The following PTGES3 variants were observed in gnomAD, a reference collection of about 807,000 sequenced individuals.
PTGES3 encodes the protein prostaglandin E synthase 3, also known as Hsp90 co-chaperone.
A neutral mutation model predicts 29.9 loss-of-function variants in PTGES3; 5 were observed. The ratio of observed to expected loss-of-function variants is 0.17; its 90% CI spans 0.09 to 0.35. PTGES3 has a LOEUF of 0.35. Ranked by LOEUF, PTGES3 falls within the 10% of genes least tolerant of loss-of-function variation. The pLI is 1.00. For synonymous variants in PTGES3, 49 were observed against 57.8 expected, an observed-to-expected ratio of 0.85 and a Z score of 0.69; for missense variants, 128 against 190.0, an observed-to-expected ratio of 0.67 and a Z score of 1.92.
chr12:56,687,617 C>A, intron 1 of PTGES3: 1 of 1,118,372 alleles, frequency 8.9e-7, no homozygotes, highest in Non-Finnish European at 1.1e-6. Context: ...GCAACAGAAC[C>A]GGAGCGCCCA....
intron 1 of PTGES3, among the ~76,000 whole-genome samples, chr12:56,679,799 C>T (rs182066220): frequency 2.0e-4 from 31 of 152,136 alleles, no homozygotes; most frequent in Admixed American, 3.3e-4. Flanking sequence ...CTTAGCCTCC[C>T]GAGTAGCTGG....
chr12:56,673,183 A>T, intron 1 of PTGES3, 118 bp from the exon 2 acceptor site: 1 of 633,192 alleles, frequency 1.6e-6, no homozygotes, highest in Non-Finnish European at 2.6e-6. Flanking sequence ...TTTTAAACAA[A>T]AACTACATTT....
chr12:56,670,791 A>G (rs956883982), intron 4 of PTGES3: 2 of 175,258 alleles, frequency 1.1e-5, no homozygotes, highest in African/African-American at 4.7e-5. Flanking sequence ...TTAGGAGGGC[A>G]TGTAATTAGC....
chr12:56,676,312 G>A (rs908360402), intron 1 of PTGES3, among the ~76,000 whole-genome samples: 2 of 150,688 alleles, frequency 1.3e-5, no homozygotes, highest in Admixed American at 6.6e-5. Flanking sequence ...TTCACAAAAA[G>A]GGACAATAAT....
intron 1 of PTGES3, among the ~76,000 whole-genome samples, chr12:56,681,181 C>G (rs1181883695): frequency 6.6e-6 from 1 of 152,110 alleles, no homozygotes; most frequent in African/African-American, 2.4e-5. Flanking sequence ...CTATTTCAGA[C>G]AGCCCCAATC....
Position 56,667,005 on chromosome 12 carries a change from C to T in PTGES3, c.376-739G>A, listed in dbSNP as rs951949717. ...CACAATCTCGGCTCACTGCAACTTC[C>T]GCTTCCCGGGTTCAAGGGAGTCTCC... On this transcript the variant is annotated intron_variant, in intron 5 of 7. Transcript: ENST00000262033. Among the ~76,000 whole-genome samples the T allele has an allele frequency of 9.2e-5, 14 of 152,190 alleles. 1 individual carries two copies. The South Asian group carries it at 2.3e-3, about 25-fold the overall frequency.
At chr12:56,667,757 C>G (rs910659077) in intron 5 of PTGES3, among the ~76,000 whole-genome samples, 1 of 152,140 alleles carries the variant, frequency 6.6e-6, no homozygotes, top group South Asian at 2.1e-4. Flanking sequence ...TTCCAGAGAC[C>G]TACTACTGTA....
chr12:56,664,994 T>C (rs1951732937), intron 6 of PTGES3, 194 bp from the exon 7 acceptor site: 1 of 985,448 alleles, frequency 1.0e-6, no homozygotes, highest in Non-Finnish European at 1.2e-6. Flanking sequence ...AGAGGATTTA[T>C]CTACCTATAA....
chr12:56,686,235 A>G (rs934360881), intron 1 of PTGES3, among the ~76,000 whole-genome samples: 15 of 152,148 alleles, frequency 9.9e-5, no homozygotes, highest in African/African-American at 3.6e-4. Context: ...CTATTATTAA[A>G]AGCTGCTTAA....
chr12:56,671,388 G>C (rs1429181214), intron 4 of PTGES3, among the ~76,000 whole-genome samples: 1 of 152,094 alleles, frequency 6.6e-6, no homozygotes, highest in African/African-American at 2.4e-5. Flanking sequence ...GACAAAGAGA[G>C]ACCCTGTTTT....
intron 1 of PTGES3, 188 bp downstream of exon 1, chr12:56,687,810 G>A: frequency 4.9e-6 from 7 of 1,438,106 alleles, no homozygotes; most frequent in East Asian, 2.8e-5. Flanking sequence ...GGGGGAAGCA[G>A]ACATCTGGAG....
At chr12:56,687,891 G>C in intron 1 of PTGES3, 107 bp downstream of exon 1, 1 of 1,588,250 alleles carries the variant, frequency 6.3e-7, no homozygotes, top group Non-Finnish European at 8.5e-7. Flanking sequence ...AGGCAGGAAC[G>C]ACTGCCACCA....
intron 3 of PTGES3, among the ~76,000 whole-genome samples, chr12:56,672,472 C>A (rs191347156): frequency 3.9e-5 from 6 of 151,962 alleles, no homozygotes; most frequent in East Asian, 3.9e-4. Flanking sequence ...GCAGCAGTCT[C>A]AAAGAACAAA....
intron 1 of PTGES3, among the ~76,000 whole-genome samples, chr12:56,685,203 A>C (rs1952766017): frequency 1.3e-5 from 2 of 152,178 alleles, no homozygotes; most frequent in Admixed American, 6.6e-5. Context: ...CTTCCACTTC[A>C]AATAACTGAC....
At position 56,676,920 on chromosome 12, in the gene PTGES3, CAAAAAAAAAA is replaced by C. The variant is rs34739170; in HGVS notation, c.3-3865_3-3856del. Among the ~76,000 whole-genome samples, 34 of 50,550 alleles carry C rather than the reference CAAAAAAAAAA, an allele frequency of 6.7e-4. 1 individual carries two copies. The highest frequency in any genetic ancestry group is 1.0e-3 in the East Asian group (1 of 980). 33.2% of individuals were successfully genotyped at this position (50,550 alleles called of 152,430 possible). ...TGGGTGAGAGAGTGAGATTCCGACT[CAAAAAAAAAA>C]AAAAAAAAAAAAAAAATAGTGCTGG... On this transcript the variant is annotated intron_variant, in intron 1 of 7. Coordinates refer to ENST00000262033, the MANE Select transcript of PTGES3 (RefSeq NM_006601.7).
intron 1 of PTGES3, among the ~76,000 whole-genome samples, chr12:56,680,792 T>C (rs1952497134): frequency 6.6e-6 from 1 of 152,012 alleles, no homozygotes; most frequent in South Asian, 2.1e-4. Context: ...TTTTTTTTTT[T>C]TTTTGAGACC....
chr12:56,679,968 C>T (rs1952449500), intron 1 of PTGES3, among the ~76,000 whole-genome samples: 3 of 152,128 alleles, frequency 2.0e-5, no homozygotes, highest in Admixed American at 1.3e-4. Flanking sequence ...AGCCACCGCA[C>T]CCAGCCCTCT....
At chr12:56,687,927 G>A in intron 1 of PTGES3, 71 bp downstream of exon 1, 5 of 1,603,708 alleles carry the variant, frequency 3.1e-6, no homozygotes, top group Non-Finnish European at 3.4e-6. Context: ...CTAGGGGGCC[G>A]CTTCCAGGGA....
intron 1 of PTGES3, among the ~76,000 whole-genome samples, chr12:56,686,641 T>C (rs914227125): frequency 2.0e-5 from 3 of 152,058 alleles, no homozygotes; most frequent in African/African-American, 7.2e-5. Context: ...CCTCTCAGAG[T>C]GCTGGGATCA....
Sources: gnomAD v4.1 joint callset for allele counts (sites outside exome capture counted in the v4.1 genomes callset) on GRCh38, gnomAD v4.1.1 for gene constraint, MANE v1.5 for transcripts, NCBI Gene and HGNC (gene_info 2026-07-23, HGNC 2026-07-21) for gene names.